Variants in SMAD4 observed in about 807,000 individuals in gnomAD.
SMAD4 encodes SMAD family member 4.
A neutral mutation model predicts 63.2 loss-of-function variants in SMAD4; 7 were observed. The observed-to-expected ratio is 0.11, with a 90% CI of 0.06 to 0.21. SMAD4 has a LOEUF of 0.21. SMAD4 is among the 10% of genes least tolerant of loss of function. The pLI, the probability that SMAD4 is intolerant of heterozygous loss-of-function variation, is 1.00. For missense variants in SMAD4, 312 were observed against 693.8 expected (o/e 0.45, Z 6.18); for synonymous variants, 215 against 235.4 (o/e 0.91, Z 0.79).
In SMAD4 at chr18:51,064,472, G is replaced by C. The variant is rs1185176377; in HGVS notation, c.956-951G>C. On this transcript the variant is annotated intron_variant, in intron 8 of 11. Coordinates refer to ENST00000342988, the MANE Select transcript of SMAD4 (RefSeq NM_005359.6). ...TGAGAACAGGGACTGTAGCTGTTTT[G>C]TTTTCTACTGTGTATGCAGTGCCTA... Among the ~76,000 whole-genome samples the C allele has an allele frequency of 3.3e-5, 5 of 152,064 alleles. No individual in the cohort carries two copies. The East Asian group carries it at 9.6e-4, about 29-fold the overall frequency.
At position 51,054,500 on chromosome 18, in the gene SMAD4, C is replaced by G. The variant is rs1013563118; in HGVS notation, c.455-281C>G. On this transcript the variant is annotated intron_variant, in intron 4 of 11. Coordinates refer to ENST00000342988, the MANE Select transcript of SMAD4 (RefSeq NM_005359.6). ...AGGTTTATCAAGAAACTGAGGAGTA[C>G]CTTTTTAGGATTGTTGCTGGAGGCT... 3 of 408,658 alleles carry G rather than the reference C, an allele frequency of 7.3e-6. No individual in the cohort carries two copies. The East Asian group carries it at 1.5e-4, about 20-fold the overall frequency. 25.3% of individuals were successfully genotyped at this position (408,658 alleles called of 1,614,324 possible).
rs1034748949 is a variant in SMAD4, at chr18:51,079,503, CTTGAT to C, written c.*1042_*1046del. 8 of 233,164 alleles carry C rather than the reference CTTGAT, an allele frequency of 3.4e-5. No homozygotes were observed. The highest frequency in any genetic ancestry group is 8.8e-5 in the African/African-American group (4 of 45,282). 14.4% of individuals were successfully genotyped at this position (233,164 alleles called of 1,614,324 possible). On this transcript the variant is annotated 3_prime_UTR_variant, in exon 12 of 12. Transcript: ENST00000342988. ...AATAGGTAGTTTGGATATTTTTGTA[CTTGAT>C]TTGATGTGACTTTTTTTGGTATAAT...
intron 1 of SMAD4, among the ~76,000 whole-genome samples, chr18:51,032,095 T>C (rs1909068474): frequency 6.6e-6 from 1 of 152,218 alleles, no homozygotes; most frequent in Non-Finnish European, 1.5e-5. Context: ...GCATTTGTAA[T>C]TCGGAGTAGC....
rs748692094 is a variant in SMAD4 at position 51,046,958 on chromosome 18, G to A, written c.-89G>A. On this transcript the variant is annotated 5_prime_UTR_variant, in exon 2 of 12. Transcript: ENST00000342988. ...CATGTCTAACAATTTTCCTTGCAACGTTAGCTGTTGTTTTTCACTGTTTCC... is the reference window on the plus strand; with the variant it reads ...CATGTCTAACAATTTTCCTTGCAACATTAGCTGTTGTTTTTCACTGTTTCC... 88 of 1,190,836 alleles carry A rather than the reference G, an allele frequency of 7.4e-5. 1 individual carries two copies. The Middle Eastern group carries it at 1.2e-3, about 16-fold the overall frequency. 73.8% of individuals were successfully genotyped at this position (1,190,836 alleles called of 1,614,324 possible).
At chr18:51,067,672 C>T (rs907616869) in intron 10 of SMAD4, among the ~76,000 whole-genome samples, 4 of 152,162 alleles carry the variant, frequency 2.6e-5, no homozygotes, top group African/African-American at 9.7e-5. Context: ...CTTGGCCTCC[C>T]AAAGTGCTGG....
At chr18:51,057,075 T>C (rs1034144464) in intron 5 of SMAD4, among the ~76,000 whole-genome samples, 2 of 152,172 alleles carry the variant, frequency 1.3e-5, no homozygotes, top group Non-Finnish European at 1.5e-5. Context: ...TATTGAAATA[T>C]TCTCTTTAGC....
chr18:51,083,551 T>C lies in SMAD4; in HGVS notation c.*5084T>C, dbSNP rs887385765. On this transcript the variant is annotated 3_prime_UTR_variant, in exon 12 of 12. Transcript: ENST00000342988. ...GTTGATGTGGATACTTTTCACACCG[T>C]TTATTTAAATGCTTTCTCAATAGGT... The C allele has an allele frequency of 8.8e-6, 2 of 227,572 alleles. No homozygotes were observed. Among genetic ancestry groups the C allele is most frequent in the Non-Finnish European group, 1.7e-5 (2 of 114,516 alleles). The allele number at this position is 227,572 out of a possible 1,614,324, so 14.1% of individuals were successfully genotyped here. A position where few individuals can be genotyped will look rare whatever the true frequency, so the allele number is the denominator to read the frequency against.
At chr18:51,042,733 A>G (rs1004264776) in intron 1 of SMAD4, among the ~76,000 whole-genome samples, 3 of 148,002 alleles carry the variant, frequency 2.0e-5, no homozygotes, top group Admixed American at 6.7e-5. Context: ...ACCAAATCTT[A>G]CTCTGTCACT....
chr18:51,058,139 A>G lies in SMAD4; in HGVS notation c.682A>G (p.Ile228Val), dbSNP rs1280682459. Residue 228 changes from isoleucine (I) to valine (V), a missense_variant, in exon 6 of 12, where the codon ATA becomes GTA. Transcript: ENST00000342988. The part of the protein sequence containing the change: ...PVASTSQPAS[I>V]LGGSHSEGLL... ...TGTTCCTCTAGGTCAGCCTGCCAGT[A>G]TACTGGGGGGCAGCCATAGTGAAGG... The G allele has an allele frequency of 1.9e-6, 3 of 1,614,056 alleles. No individual in the cohort carries two copies. In the African/African-American group the frequency reaches 4.0e-5, roughly 22 times the overall value.
chr18:51,040,760 A>G lies in SMAD4; in HGVS notation c.-127-6160A>G, dbSNP rs113180405. Among the ~76,000 whole-genome samples the G allele has an allele frequency of 6.6e-3, 998 of 152,308 alleles. 9 individuals carry two copies. Among genetic ancestry groups the G allele is most frequent in the African/African-American group, 0.022 (927 of 41,566 alleles). ...CAATTAATAGCAAGGCTAGAGGAAA[A>G]ACAACAGGCAGATAACAAGAATCAG... On this transcript the variant is annotated intron_variant, in intron 1 of 11. Coordinates refer to ENST00000342988, the MANE Select transcript of SMAD4 (RefSeq NM_005359.6).
chr18:51,070,818 A>G (rs1910296721), intron 10 of SMAD4, among the ~76,000 whole-genome samples: 1 of 152,110 alleles, frequency 6.6e-6, no homozygotes, highest in Admixed American at 6.6e-5. Flanking sequence ...ATGGTCTCAC[A>G]GTGCTTGTCA....
At chr18:51,055,359 GTTC>G (rs1315546275) in intron 5 of SMAD4, among the ~76,000 whole-genome samples, 1 of 152,108 alleles carries the variant, frequency 6.6e-6, no homozygotes, top group Non-Finnish European at 1.5e-5. Flanking sequence ...TTAATGCGGT[GTTC>G]TTATTTTGGT....
Position 51,079,471 on chromosome 18 carries a change from A to G in SMAD4, c.*1004A>G, listed in dbSNP as rs1214010439. The G allele has an allele frequency of 4.3e-6, 1 of 233,366 alleles. No homozygotes were observed. Among genetic ancestry groups the G allele is most frequent in the Non-Finnish European group, 8.5e-6 (1 of 117,956 alleles). 14.5% of individuals were successfully genotyped at this position (233,366 alleles called of 1,614,324 possible). A position where few individuals can be genotyped will look rare whatever the true frequency, so the allele number is the denominator to read the frequency against. On this transcript the variant is annotated 3_prime_UTR_variant, in exon 12 of 12. Transcript: ENST00000342988. ...CTGTGCAGAATAATGGAAACATTAC[A>G]GTTCATAATAGGTAGTTTGGATATT...
At chr18:51,062,928 C>T (rs1910058687) in intron 8 of SMAD4, among the ~76,000 whole-genome samples, 1 of 134,416 alleles carries the variant, frequency 7.4e-6, no homozygotes, top group Non-Finnish European at 1.5e-5. Flanking sequence ...CGCGACTTGG[C>T]TCACTGCAAC....
intron 5 of SMAD4, among the ~76,000 whole-genome samples, chr18:51,057,698 A>T (rs1018339864): frequency 6.6e-6 from 1 of 152,158 alleles, no homozygotes; most frequent in Non-Finnish European, 1.5e-5. Flanking sequence ...ATCAGTGCTG[A>T]TAGTGATTAA....
At position 51,074,162 on chromosome 18, in the gene SMAD4, G is replaced by T. The variant is rs148949886; in HGVS notation, c.1309-2476G>T. Reference sequence around the variant, plus strand: ...GTCAAGGTAGGAGGATTGCTTGAGCGCAGGAGTAGTTCAAGATCAGCCTGG... The same window carrying T: ...GTCAAGGTAGGAGGATTGCTTGAGCTCAGGAGTAGTTCAAGATCAGCCTGG... On this transcript the variant is annotated intron_variant, in intron 10 of 11. Transcript: ENST00000342988. Among the ~76,000 whole-genome samples, 4 of 150,702 alleles carry T rather than the reference G, an allele frequency of 2.7e-5. No individual in the cohort carries two copies. In the East Asian group the frequency reaches 7.9e-4, roughly 30 times the overall value.
chr18:51,084,006 GCGCGCGCACACACACACACA>G lies in SMAD4; in HGVS notation c.*5541_*5560del, dbSNP rs1910680421. On this transcript the variant is annotated 3_prime_UTR_variant, in exon 12 of 12. Transcript: ENST00000342988. ...AAACACTTAACGCGCGTGCGCACGC[GCGCGCGCACACACACACACA>G]CACACACACACACACACAGGTCAGA... 2.0e-5 allele frequency: 4 copies of G among 201,602 alleles called. No individual in the cohort carries two copies. The highest frequency in any genetic ancestry group is 5.2e-5 in the African/African-American group (2 of 38,582). The allele number at this position is 201,602 out of a possible 1,614,324, so 12.5% of individuals were successfully genotyped here. A position where few individuals can be genotyped will look rare whatever the true frequency, so the allele number is the denominator to read the frequency against.
chr18:51,067,234 G>A (rs1330910857), intron 10 of SMAD4, 47 bp downstream of exon 10: 1 of 1,066,830 alleles, frequency 9.4e-7, no homozygotes, highest in Middle Eastern at 2.3e-4. Flanking sequence ...AGCTCTATTT[G>A]TTGTCAAAAG....
chr18:51,079,982 T>G lies in SMAD4; in HGVS notation c.*1515T>G, dbSNP rs1055851642. 3 of 230,092 alleles carry G rather than the reference T, an allele frequency of 1.3e-5. No individual in the cohort carries two copies. The highest frequency in any genetic ancestry group is 1.7e-5 in the Non-Finnish European group (2 of 116,282). The allele number at this position is 230,092 out of a possible 1,614,324, so 14.3% of individuals were successfully genotyped here. The stretch of plus-strand genomic sequence containing the variant: ...TAGAGTTGGTTTTTTTTTTTTTTAA[T>G]TTTTATTTTACTATAGCAGAAATAG... On this transcript the variant is annotated 3_prime_UTR_variant, in exon 12 of 12. Transcript: ENST00000342988.
Sources: gnomAD v4.1 joint callset for allele counts (sites outside exome capture counted in the v4.1 genomes callset) on GRCh38, gnomAD v4.1.1 for gene constraint, MANE v1.5 for transcripts, NCBI Gene and HGNC (gene_info 2026-07-23, HGNC 2026-07-21) for gene names.